PPP3CA: variants seen among roughly 807,000 people sequenced by gnomAD.
The protein encoded by PPP3CA is CAM-PRP catalytic subunit.
Under a neutral mutation model 66.5 loss-of-function variants are expected in PPP3CA, and 14 were observed. The ratio of observed to expected loss-of-function variants is 0.21; its 90% CI spans 0.14 to 0.33. The LOEUF (loss-of-function observed/expected upper bound fraction) is 0.33. PPP3CA is among the 10% of genes least tolerant of loss of function. The probability of loss-of-function intolerance (pLI) is 1.00; values close to 1 mark genes in which losing one functional copy is unlikely to be tolerated. For missense variants in PPP3CA, 317 were observed against 639.5 expected, an observed-to-expected ratio of 0.50 and a Z score of 5.44; for synonymous variants, 232 against 226.2, an observed-to-expected ratio of 1.03 and a Z score of -0.23.
At chr4:101,206,619 C>T (rs1344459391) in intron 1 of PPP3CA, among the ~76,000 whole-genome samples, 1 of 152,204 alleles carries the variant, frequency 6.6e-6, no homozygotes, top group African/African-American at 2.4e-5. Flanking sequence ...TCAATGATCA[C>T]TACTCAAAAA....
intron 2 of PPP3CA, among the ~76,000 whole-genome samples, chr4:101,183,769 A>T (rs1724318413): frequency 6.6e-6 from 1 of 152,076 alleles, no homozygotes; most frequent in Non-Finnish European, 1.5e-5. Flanking sequence ...TGAAAGACAG[A>T]CTGGAAGCTG....
At chr4:101,037,088 T>C (rs1036350331) in intron 11 of PPP3CA, among the ~76,000 whole-genome samples, 1 of 152,144 alleles carries the variant, frequency 6.6e-6, no homozygotes, top group African/African-American at 2.4e-5. Flanking sequence ...AGGGTAACAG[T>C]ACTTGTTCAT....
intron 8 of PPP3CA, among the ~76,000 whole-genome samples, chr4:101,078,443 C>T (rs1436534585): frequency 6.6e-6 from 1 of 152,132 alleles, no homozygotes; most frequent in Non-Finnish European, 1.5e-5. Flanking sequence ...CTTTAACATC[C>T]AGATCATATT....
chr4:101,171,982 C>T (rs1273306983), intron 2 of PPP3CA, among the ~76,000 whole-genome samples: 2 of 152,138 alleles, frequency 1.3e-5, no homozygotes. Flanking sequence ...GAATGATAGT[C>T]TGTAGACTAC....
At chr4:101,319,836 C>G (rs1484165821) in intron 1 of PPP3CA, among the ~76,000 whole-genome samples, 2 of 152,032 alleles carry the variant, frequency 1.3e-5, no homozygotes, top group Non-Finnish European at 2.9e-5. Context: ...ATAAAGAAGA[C>G]CCAGCAAAAA....
intron 1 of PPP3CA, among the ~76,000 whole-genome samples, chr4:101,268,042 T>G (rs1195911304): frequency 6.6e-6 from 1 of 152,022 alleles, no homozygotes; most frequent in Non-Finnish European, 1.5e-5. Flanking sequence ...CATGGTGGTA[T>G]GTGCCTATAG....
At chr4:101,249,305 C>G (rs1301194761) in intron 1 of PPP3CA, among the ~76,000 whole-genome samples, 1 of 151,888 alleles carries the variant, frequency 6.6e-6, no homozygotes, top group Non-Finnish European at 1.5e-5. Context: ...ATTAGCAAAA[C>G]TAAAAGAAAC....
At chr4:101,321,998 G>T (rs1378129460) in intron 1 of PPP3CA, among the ~76,000 whole-genome samples, 2 of 152,118 alleles carry the variant, frequency 1.3e-5, no homozygotes, top group African/African-American at 4.8e-5. Context: ...AGAAATCCTT[G>T]TTTCATTTGT....
chr4:101,275,717 G>A (rs542011865), intron 1 of PPP3CA, among the ~76,000 whole-genome samples: 1 of 152,232 alleles, frequency 6.6e-6, no homozygotes, highest in East Asian at 1.9e-4. Flanking sequence ...CTAAGCAAAT[G>A]ATAGTCTACC....
chr4:101,264,146 C>T (rs142475683), intron 1 of PPP3CA, among the ~76,000 whole-genome samples: 172 of 152,292 alleles, frequency 1.1e-3, no homozygotes, highest in Admixed American at 1.9e-3. Flanking sequence ...ACATAAAGTT[C>T]TTCATTTACA....
At chr4:101,255,062 T>G (rs1315901129) in intron 1 of PPP3CA, among the ~76,000 whole-genome samples, 1 of 143,142 alleles carries the variant, frequency 7.0e-6, no homozygotes, top group African/African-American at 2.6e-5. Context: ...AAAAGAAGCA[T>G]GAGTCCCAGG....
At chr4:101,300,585 A>C (rs796216771) in intron 1 of PPP3CA, among the ~76,000 whole-genome samples, 4 of 152,272 alleles carry the variant, frequency 2.6e-5, no homozygotes, top group African/African-American at 7.2e-5. Flanking sequence ...ACTTGATGCC[A>C]GGAGTTCAAG....
At chr4:101,223,962 AAG>A (rs1241538432) in intron 1 of PPP3CA, among the ~76,000 whole-genome samples, 8 of 151,814 alleles carry the variant, frequency 5.3e-5, no homozygotes, top group Non-Finnish European at 1.2e-4. Context: ...AAACCATTCC[AAG>A]AGGGGAAAAA....
chr4:101,076,218 C>G (rs535271450), intron 8 of PPP3CA, among the ~76,000 whole-genome samples: 4 of 151,152 alleles, frequency 2.6e-5, no homozygotes, highest in African/African-American at 9.7e-5. Flanking sequence ...GGTATCAGCA[C>G]TGGTTATAGG....
intron 1 of PPP3CA, among the ~76,000 whole-genome samples, chr4:101,215,676 T>C (rs1725431149): frequency 6.6e-6 from 1 of 152,048 alleles, no homozygotes; most frequent in Non-Finnish European, 1.5e-5. Flanking sequence ...TAATGTCCCT[T>C]CTAACTAAAT....
chr4:101,196,058 T>C lies in PPP3CA; in HGVS notation c.117A>G (p.Gly39=), dbSNP rs899567746. ...LTAKEVFDND[G]KPRVDILKAH... ...CCTTTAAGATATCCACACGAGGTTT[T>C]CCATCATTATCAAACACTTCTTTTG... The change falls in exon 2 of 14, where the codon GGA becomes GGG. Residue 39 remains glycine (G), a synonymous_variant. Coordinates refer to ENST00000394854, the MANE Select transcript of PPP3CA (RefSeq NM_000944.5). The C allele has an allele frequency of 6.2e-7, 1 of 1,613,948 alleles. No individual in the cohort carries two copies. The highest frequency in any genetic ancestry group is 2.2e-5 in the East Asian group (1 of 44,874).
At chr4:101,149,818 G>C (rs1485993808) in intron 2 of PPP3CA, among the ~76,000 whole-genome samples, 2 of 152,088 alleles carry the variant, frequency 1.3e-5, no homozygotes, top group Admixed American at 1.3e-4. Flanking sequence ...CCTAACAATG[G>C]CTAGGTTATT....
At chr4:101,257,534 T>C (rs1726884405) in intron 1 of PPP3CA, among the ~76,000 whole-genome samples, 1 of 152,018 alleles carries the variant, frequency 6.6e-6, no homozygotes, top group Non-Finnish European at 1.5e-5. Context: ...GTATTTATCA[T>C]ATAGTGTTGT....
intron 1 of PPP3CA, among the ~76,000 whole-genome samples, chr4:101,308,834 A>G (rs1180774791): frequency 2.6e-5 from 4 of 152,224 alleles, no homozygotes; most frequent in South Asian, 2.1e-4. Flanking sequence ...TTTTATATAC[A>G]TAAGATTAAA....
Sources: allele counts gnomAD v4.1 joint callset (sites outside exome capture counted in the v4.1 genomes callset), GRCh38; gene constraint gnomAD v4.1.1; transcripts MANE v1.5; gene names NCBI Gene and HGNC (gene_info 2026-07-23, HGNC 2026-07-21).